TTLL9: variants seen among roughly 807,000 people sequenced by gnomAD.
The protein encoded by TTLL9 is tubulin tyrosine ligase like 9, also known as probable tubulin polyglutamylase TTLL9.
A neutral mutation model predicts 65.6 loss-of-function variants in TTLL9; 47 were observed. That is an observed-to-expected ratio of 0.72 (90% CI 0.57 to 0.91). The LOEUF (loss-of-function observed/expected upper bound fraction) is 0.91, where lower values mean the gene tolerates loss of function less well. TTLL9 is among the 40% of genes least tolerant of loss of function. The pLI is 0.00. For synonymous variants in TTLL9, 179 were observed against 204.8 expected (o/e 0.87, Z 1.07); for missense variants, 537 against 568.8 (o/e 0.94, Z 0.57).
intron 10 of TTLL9, among the ~76,000 whole-genome samples, chr20:31,928,651 T>C (rs1199284575): frequency 6.6e-6 from 1 of 152,054 alleles, no homozygotes; most frequent in Non-Finnish European, 1.5e-5. Context: ...CCTTGAGGGA[T>C]GGTGAAATGA....
chr20:31,911,080 C>T (rs574094145), intron 6 of TTLL9, among the ~76,000 whole-genome samples: 227 of 152,044 alleles, frequency 1.5e-3, no homozygotes, highest in African/African-American at 5.3e-3. Flanking sequence ...GAGGCGGAGG[C>T]AGGAGAATTG....
At chr20:31,890,146 C>T (rs201923521) in intron 3 of TTLL9, among the ~76,000 whole-genome samples, 123 of 18,822 alleles carry the variant, frequency 6.5e-3, no homozygotes, top group African/African-American at 0.03. Context: ...TCCTTCCTTC[C>T]TTCCTTCCTT....
chr20:31,877,723 C>G (rs2063056264), intron 2 of TTLL9, among the ~76,000 whole-genome samples: 1 of 152,178 alleles, frequency 6.6e-6, no homozygotes, highest in Non-Finnish European at 1.5e-5. Context: ...CACACACTCT[C>G]TCCTGTGTCT....
chr20:31,890,818 G>A (rs778222515), intron 3 of TTLL9, among the ~76,000 whole-genome samples: 1 of 152,166 alleles, frequency 6.6e-6, no homozygotes, highest in Non-Finnish European at 1.5e-5. Context: ...GTCAGTTCAC[G>A]CTGGTGCTTC....
intron 3 of TTLL9, among the ~76,000 whole-genome samples, chr20:31,896,801 A>G (rs1374161595): frequency 6.6e-6 from 1 of 152,200 alleles, no homozygotes; most frequent in African/African-American, 2.4e-5. Flanking sequence ...AAGGGTTAGG[A>G]TTACAGGCGT....
At chr20:31,930,001 G>T (rs185171013) in intron 10 of TTLL9, among the ~76,000 whole-genome samples, 1 of 152,078 alleles carries the variant, frequency 6.6e-6, no homozygotes, top group Non-Finnish European at 1.5e-5. Context: ...GGTGGCAGGC[G>T]CCTGTAATCC....
intron 2 of TTLL9, among the ~76,000 whole-genome samples, chr20:31,880,258 CCCGTCCAT>C (rs930980474): frequency 6.6e-6 from 1 of 152,054 alleles, no homozygotes; most frequent in African/African-American, 2.4e-5. Flanking sequence ...AACCCGCCTG[CCCGTCCAT>C]CCGTCCATCC....
At chr20:31,898,656 C>A in intron 4 of TTLL9, 91 bp downstream of exon 4, 2 of 1,138,422 alleles carry the variant, frequency 1.8e-6, no homozygotes, top group Non-Finnish European at 2.6e-6. Context: ...CCTGGGTGGC[C>A]ACTGGGACTT....
chr20:31,879,347 G>A (rs1434234218), intron 2 of TTLL9, among the ~76,000 whole-genome samples: 1 of 152,104 alleles, frequency 6.6e-6, no homozygotes, highest in Non-Finnish European at 1.5e-5. Flanking sequence ...AAACTACAAT[G>A]AGCTATCACT....
intron 8 of TTLL9, 143 bp from the exon 9 acceptor site, chr20:31,924,866 C>G: frequency 1.1e-6 from 1 of 897,782 alleles, no homozygotes; most frequent in Non-Finnish European, 1.8e-6. Context: ...CATGAGGCAC[C>G]GCGCCTAGCC....
chr20:31,882,293 G>A (rs1388432883), intron 2 of TTLL9, among the ~76,000 whole-genome samples: 1 of 152,196 alleles, frequency 6.6e-6, no homozygotes. Flanking sequence ...GAATGAAGCT[G>A]GGATTAGTGG....
At chr20:31,893,360 G>A (rs1600542917) in intron 3 of TTLL9, among the ~76,000 whole-genome samples, 1 of 145,534 alleles carries the variant, frequency 6.9e-6, no homozygotes, top group East Asian at 2.0e-4. Flanking sequence ...GTGCAATCTC[G>A]GCTCACTGCA....
At chr20:31,911,641 C>T (rs1031997238) in intron 6 of TTLL9, among the ~76,000 whole-genome samples, 1 of 152,218 alleles carries the variant, frequency 6.6e-6, no homozygotes, top group African/African-American at 2.4e-5. Context: ...GCACGGAGTG[C>T]TGTGACCCAC....
intron 3 of TTLL9, among the ~76,000 whole-genome samples, chr20:31,892,899 A>G (rs1164280523): frequency 2.6e-5 from 4 of 152,166 alleles, no homozygotes; most frequent in African/African-American, 9.7e-5. Flanking sequence ...TTTTTGTCAT[A>G]TATTTACTTG....
intron 2 of TTLL9, among the ~76,000 whole-genome samples, chr20:31,880,157 C>A (rs931647392): frequency 6.6e-6 from 1 of 152,202 alleles, no homozygotes; most frequent in Non-Finnish European, 1.5e-5. Flanking sequence ...GCCCGGCCAG[C>A]TGGCGGGAAG....
At chr20:31,873,007 C>T in intron 2 of TTLL9, 1 of 518,426 alleles carries the variant, frequency 1.9e-6, no homozygotes, top group South Asian at 1.4e-5. Context: ...CCCTCACTGA[C>T]CCTTTCCTTT....
chr20:31,887,906 T>TCTTCTCTTCTCTTCTCTTC (rs1555807954), intron 3 of TTLL9, among the ~76,000 whole-genome samples: 1 of 9,554 alleles, frequency 1.0e-4, no homozygotes, highest in Non-Finnish European at 2.1e-4. Context: ...CTCTTCTCTT[T>TCTTCTCTTCTCTTCTCTTC]TGAGTTTCAC....
chr20:31,903,444 CTG>C (rs1420188679), intron 4 of TTLL9, among the ~76,000 whole-genome samples: 1 of 152,128 alleles, frequency 6.6e-6, no homozygotes, highest in Non-Finnish European at 1.5e-5. Context: ...TCTTTCTTGA[CTG>C]TGCCTTTTGC....
At chr20:31,942,629 C>T (rs1433269626) in intron 14 of TTLL9, among the ~76,000 whole-genome samples, 20 of 152,144 alleles carry the variant, frequency 1.3e-4, no homozygotes, top group Admixed American at 1.0e-3. Context: ...ATCATTCCTG[C>T]GAGGGCCAAA....
Sources: allele counts gnomAD v4.1 joint callset (sites outside exome capture counted in the v4.1 genomes callset), GRCh38; gene constraint gnomAD v4.1.1; transcripts MANE v1.5; gene names NCBI Gene and HGNC (gene_info 2026-07-23, HGNC 2026-07-21).